The following LINGO2 variants were observed in gnomAD, a reference collection of about 807,000 sequenced individuals.
The protein encoded by LINGO2 is leucine-rich repeat and immunoglobulin-like domain-containing nogo receptor-interacting protein 2.
A neutral mutation model predicts 30.6 loss-of-function variants in LINGO2; 14 were observed. The observed-to-expected ratio is 0.46, with a 90% CI of 0.30 to 0.72. The LOEUF (loss-of-function observed/expected upper bound fraction) is 0.72, where lower values mean the gene tolerates loss of function less well. LINGO2 is among the 30% of genes least tolerant of loss of function. The probability of loss-of-function intolerance (pLI) is 0.07; values close to 1 mark genes in which losing one functional copy is unlikely to be tolerated. For missense variants in LINGO2, 729 were observed against 751.7 expected, an observed-to-expected ratio of 0.97 and a Z score of 0.35; for synonymous variants, 317 against 288.5, an observed-to-expected ratio of 1.10 and a Z score of -1.00.
At chr9:29,191,759 G>C in the LINGO2 span, among the ~76,000 whole-genome samples, 3 of 152,082 alleles carry the variant, frequency 2.0e-5, no homozygotes, top group Non-Finnish European at 4.4e-5. Flanking sequence ...CATTTTTGAA[G>C]CACTTATTAT....
chr9:28,521,813 C>T (rs10757755), intron 1 of LINGO2, among the ~76,000 whole-genome samples: 50,459 of 151,880 alleles, frequency 0.33, 9,022 homozygotes, highest in East Asian at 0.54. Context: ...TGACTGAGGT[C>T]CTAATAAGAA....
chr9:28,908,932 T>C, the LINGO2 span, among the ~76,000 whole-genome samples: 875 of 152,042 alleles, frequency 5.8e-3, 13 homozygotes, highest in African/African-American at 0.02. Context: ...TGATTTGGTA[T>C]GTTTTATTCT....
At chr9:28,084,792 G>A (rs532398843) in intron 4 of LINGO2, among the ~76,000 whole-genome samples, 35 of 152,226 alleles carry the variant, frequency 2.3e-4, no homozygotes, top group Admixed American at 2.3e-3. Flanking sequence ...CAGCACTGCT[G>A]GGCCTTACTG....
intron 4 of LINGO2, among the ~76,000 whole-genome samples, chr9:28,184,270 A>G (rs1819462236): frequency 1.3e-5 from 2 of 152,128 alleles, no homozygotes; most frequent in Non-Finnish European, 2.9e-5. Flanking sequence ...CAAGTTAGCT[A>G]CTACCCTCTT....
chr9:28,213,563 T>C (rs571064732), intron 4 of LINGO2, among the ~76,000 whole-genome samples: 2 of 151,596 alleles, frequency 1.3e-5, no homozygotes, highest in African/African-American at 2.4e-5. Flanking sequence ...CTGGATCCTT[T>C]TTTTTCTCTT....
chr9:28,623,160 T>C (rs1826490988), intron 1 of LINGO2, among the ~76,000 whole-genome samples: 1 of 152,102 alleles, frequency 6.6e-6, no homozygotes, highest in African/African-American at 2.4e-5. Flanking sequence ...ACTTTGTTGA[T>C]TGATTCCTTT....
At chr9:28,309,142 T>C (rs971593804) in intron 3 of LINGO2, among the ~76,000 whole-genome samples, 16 of 152,196 alleles carry the variant, frequency 1.1e-4, no homozygotes, top group Admixed American at 7.9e-4. Flanking sequence ...CGTATGTTTA[T>C]TGTGGCATTA....
the LINGO2 span, among the ~76,000 whole-genome samples, chr9:29,186,768 T>C: frequency 1.3e-5 from 2 of 151,954 alleles, no homozygotes; most frequent in Non-Finnish European, 2.9e-5. Flanking sequence ...TTCACCACTT[T>C]CTAGGCAATG....
chr9:28,277,492 T>C (rs917543645), intron 4 of LINGO2, among the ~76,000 whole-genome samples: 1 of 152,038 alleles, frequency 6.6e-6, no homozygotes, highest in Non-Finnish European at 1.5e-5. Context: ...GAACTGCACA[T>C]CTCTCACTTT....
intron 4 of LINGO2, among the ~76,000 whole-genome samples, chr9:28,170,032 G>A (rs1213867903): frequency 6.6e-6 from 1 of 152,068 alleles, no homozygotes; most frequent in East Asian, 1.9e-4. Context: ...ATCTGCCTGA[G>A]CCCGACAACA....
At chr9:28,723,631 A>C in the LINGO2 span, among the ~76,000 whole-genome samples, 898 of 152,204 alleles carry the variant, frequency 5.9e-3, 9 homozygotes, top group African/African-American at 0.021. Context: ...ACAGTATTCT[A>C]GACATCACTC....
chr9:28,119,110 A>G (rs1292061164), intron 4 of LINGO2, among the ~76,000 whole-genome samples: 3 of 152,232 alleles, frequency 2.0e-5, no homozygotes, highest in African/African-American at 7.2e-5. Context: ...AGACTGCTAT[A>G]ATGGAAGTGC....
the LINGO2 span, among the ~76,000 whole-genome samples, chr9:28,883,354 C>T: frequency 2.0e-5 from 3 of 151,256 alleles, no homozygotes; most frequent in Admixed American, 6.6e-5. Context: ...TTTTAAATTG[C>T]TGTACGTGTT....
At chr9:29,115,631 T>G in the LINGO2 span, among the ~76,000 whole-genome samples, 1 of 152,028 alleles carries the variant, frequency 6.6e-6, no homozygotes, top group Non-Finnish European at 1.5e-5. Context: ...ATGAAAAGGT[T>G]AACATTGTTA....
the LINGO2 span, among the ~76,000 whole-genome samples, chr9:28,691,040 C>T: frequency 1.3e-5 from 2 of 152,158 alleles, no homozygotes; most frequent in African/African-American, 4.8e-5. Context: ...ACAATTCCAG[C>T]TCAACATCTG....
At chr9:28,326,046 G>A (rs1369568288) in intron 3 of LINGO2, among the ~76,000 whole-genome samples, 6 of 152,092 alleles carry the variant, frequency 3.9e-5, no homozygotes, top group African/African-American at 9.7e-5. Context: ...TCGCTCTGTC[G>A]CTTAGGCTGG....
intron 4 of LINGO2, among the ~76,000 whole-genome samples, chr9:28,153,951 A>T (rs146689688): frequency 2.3e-3 from 345 of 152,312 alleles, no homozygotes; most frequent in African/African-American, 7.9e-3. Context: ...GTTTATAATC[A>T]CTTTTACATA....
chr9:27,950,573 C>A, exon 6 of LINGO2: 1 of 1,537,494 alleles, frequency 6.5e-7, no homozygotes. Context: ...GGGCAGAGCA[C>A]TCACAGCGAG....
the LINGO2 span, among the ~76,000 whole-genome samples, chr9:29,008,832 C>T: frequency 6.6e-6 from 1 of 152,096 alleles, no homozygotes; most frequent in African/African-American, 2.4e-5. Flanking sequence ...AGCTTATCCA[C>T]CATGATCAAG....
Sources: allele counts gnomAD v4.1 joint callset (sites outside exome capture counted in the v4.1 genomes callset), GRCh38; gene constraint gnomAD v4.1.1; transcripts MANE v1.5; gene names NCBI Gene and HGNC (gene_info 2026-07-23, HGNC 2026-07-21).